DMBT1: variants seen among roughly 807,000 people sequenced by gnomAD.
DMBT1 encodes the protein scavenger receptor cysteine-rich domain-containing protein DMBT1.
A neutral mutation model predicts 252.9 loss-of-function variants in DMBT1; 198 were observed. The observed-to-expected ratio is 0.78, with a 90% CI of 0.70 to 0.88. DMBT1 has a LOEUF of 0.88. DMBT1 is among the 40% of genes least tolerant of loss of function. The pLI, the probability that DMBT1 is intolerant of heterozygous loss-of-function variation, is 0.00. For missense variants in DMBT1, 2,432 were observed against 2,404.7 expected (o/e 1.01, Z -0.24); for synonymous variants, 990 against 942.7 (o/e 1.05, Z -0.92).
intron 1 of DMBT1, among the ~76,000 whole-genome samples, 159 bp downstream of exon 1, chr10:122,560,990 G>T (rs1392389142): frequency 5.3e-5 from 8 of 152,312 alleles, no homozygotes; most frequent in Non-Finnish European, 7.4e-5. Context: ...AGGAGGAATG[G>T]CTCTTTTTTG....
chr10:122,637,903 G>A (rs566111424), intron 54 of DMBT1, among the ~76,000 whole-genome samples: 1 of 152,244 alleles, frequency 6.6e-6, no homozygotes, highest in South Asian at 2.1e-4. Flanking sequence ...ATCCAATTTT[G>A]GGTGAAAGTG....
chr10:122,579,431 T>C (rs2097745243), intron 9 of DMBT1, 147 bp from the exon 10 acceptor site: 9 of 1,515,160 alleles, frequency 5.9e-6, no homozygotes, highest in South Asian at 1.3e-5. Flanking sequence ...ACTTTCACGG[T>C]GATGAAGCCT....
chr10:122,573,889 C>T, intron 6 of DMBT1, 127 bp downstream of exon 6: 2 of 1,155,680 alleles, frequency 1.7e-6, no homozygotes, highest in South Asian at 2.6e-5. Flanking sequence ...GGGGCCCTTC[C>T]ACAAAAGGCC....
At chr10:122,568,726 C>T (rs547267543) in intron 2 of DMBT1, among the ~76,000 whole-genome samples, 2 of 152,326 alleles carry the variant, frequency 1.3e-5, no homozygotes, top group East Asian at 3.9e-4. Context: ...CTGCAGGCAG[C>T]TCGGCTGTGG....
chr10:122,570,178 G>A lies in DMBT1; in HGVS notation c.108G>A (p.Ser36=), dbSNP rs746899807. 44 of 1,594,788 alleles carry A rather than the reference G, an allele frequency of 2.8e-5. No individual in the cohort carries two copies. Among genetic ancestry groups the A allele is most frequent in the South Asian group, 3.3e-5 (3 of 90,672 alleles). The change falls in exon 3 of 56, where the codon TCG becomes TCA. Residue 36 remains serine (S), a synonymous_variant. Transcript: ENST00000338354. ...RTTDYASLIP[S]EVPLDPTVAE... ...ACCTCGCAGCTTCACTGATTCCCTC[G>A]GAGGTGCCCTTGGATCCAACTGTAG...
intron 55 of DMBT1, among the ~76,000 whole-genome samples, chr10:122,642,875 T>C (rs543570777): frequency 1.3e-5 from 2 of 152,258 alleles, no homozygotes; most frequent in East Asian, 3.9e-4. Context: ...TGGGACCTGC[T>C]TGTCTATCGG....
intron 44 of DMBT1, among the ~76,000 whole-genome samples, chr10:122,624,534 A>G (rs183031565): frequency 2.1e-4 from 32 of 152,226 alleles, no homozygotes; most frequent in African/African-American, 6.5e-4. Context: ...TCTTTTCTAG[A>G]ATCCAATTCT....
At chr10:122,618,917 C>T (rs1250656064) in intron 41 of DMBT1, among the ~76,000 whole-genome samples, 2 of 152,202 alleles carry the variant, frequency 1.3e-5, no homozygotes, top group Non-Finnish European at 2.9e-5. Flanking sequence ...GGGAGGGCAG[C>T]CCCCATGAGT....
At position 122,618,995 on chromosome 10, in the gene DMBT1, G is replaced by A. The variant is rs78378631; in HGVS notation, c.5216-313G>A. 7.0e-3 allele frequency among the ~76,000 whole-genome samples: 1,071 copies of A among 152,314 alleles called. 13 individuals carry two copies. The highest frequency in any genetic ancestry group is 0.024 in the African/African-American group (1,015 of 41,552). ...AAGATCACACAAGGCATTTGGGCTG[G>A]AGTGGCCTCCTCAGCCTTGCTGACT... On this transcript the variant is annotated intron_variant, in intron 41 of 55. Coordinates refer to ENST00000338354, the MANE Select transcript of DMBT1 (RefSeq NM_001377530.1).
intron 46 of DMBT1, among the ~76,000 whole-genome samples, chr10:122,629,577 C>T (rs1208516010): frequency 6.6e-6 from 1 of 152,200 alleles, no homozygotes; most frequent in Non-Finnish European, 1.5e-5. Flanking sequence ...CTAGAGGTGA[C>T]ACATGCTCCC....
intron 41 of DMBT1, 108 bp downstream of exon 41, chr10:122,618,448 A>G (rs760737088): frequency 1.5e-5 from 23 of 1,562,764 alleles, no homozygotes; most frequent in Admixed American, 9.6e-5. Flanking sequence ...TATGTTTTCT[A>G]TATTTCTGAA....
At chr10:122,623,707 G>A (rs553497501) in intron 44 of DMBT1, among the ~76,000 whole-genome samples, 2 of 152,302 alleles carry the variant, frequency 1.3e-5, no homozygotes, top group South Asian at 4.1e-4. Flanking sequence ...ATTCTTGGGA[G>A]AACAGGGGCT....
At chr10:122,599,166 A>T in intron 26 of DMBT1, 69 bp downstream of exon 26, 1 of 1,609,536 alleles carries the variant, frequency 6.2e-7, no homozygotes. Flanking sequence ...TCCTAATTAC[A>T]TTCTGATCTC....
rs996042944 is a variant in DMBT1 at position 122,640,279 on chromosome 10, C to T, written c.7182C>T (p.Phe2394=). The part of the protein sequence containing the change: ...VNISFYTSSS[F]LYPVTSRPYY... ...TTTCCTTTTATACTTCCTCATCTTT[C>T]TTGTATCCTGTGACCAGCCGCCCTT... The change falls in exon 55 of 56, where the codon TTC becomes TTT. Residue 2394 remains phenylalanine (F), a synonymous_variant. Transcript: ENST00000338354. 3 of 1,614,056 alleles carry T rather than the reference C, an allele frequency of 1.9e-6. No homozygotes were observed. The highest frequency in any genetic ancestry group is 2.5e-6 in the Non-Finnish European group (3 of 1,179,904).
intron 43 of DMBT1, among the ~76,000 whole-genome samples, chr10:122,620,638 C>T (rs2098057153): frequency 2.0e-5 from 3 of 152,236 alleles, no homozygotes; most frequent in Admixed American, 1.3e-4. Context: ...GTGCCTGTCC[C>T]CATAGCTGTC....
At chr10:122,600,006 C>T (rs1261769457) in intron 26 of DMBT1, 58 bp from the exon 27 acceptor site, 8 of 1,595,816 alleles carry the variant, frequency 5.0e-6, no homozygotes, top group Admixed American at 3.4e-5. Context: ...CTCCTCGTTC[C>T]ACTTTGCCGA....
rs1344423776 is a variant in DMBT1 at position 122,633,345 on chromosome 10, A to C, written c.6548+4A>C. 1 of 1,613,712 alleles carries C rather than the reference A, an allele frequency of 6.2e-7. No homozygotes were observed. The highest frequency in any genetic ancestry group is 8.5e-7 in the Non-Finnish European group (1 of 1,179,854). The stretch of plus-strand genomic sequence containing the variant: ...CTGTGATCTTCAGAGATGTCCAGTA[A>C]GTGTGCGCCCAGAAGAATGCCTTGG... On this transcript the variant is annotated splice_donor_region_variant and intron_variant, in intron 52 of 55. Coordinates refer to ENST00000338354, the MANE Select transcript of DMBT1 (RefSeq NM_001377530.1).
At chr10:122,563,344 T>C (rs1029975204) in intron 1 of DMBT1, among the ~76,000 whole-genome samples, 3 of 152,234 alleles carry the variant, frequency 2.0e-5, no homozygotes, top group African/African-American at 4.8e-5. Context: ...GTTACTACTC[T>C]AGACATTTTC....
chr10:122,626,182 A>G (rs954646154), intron 46 of DMBT1, among the ~76,000 whole-genome samples: 1 of 152,250 alleles, frequency 6.6e-6, no homozygotes, highest in African/African-American at 2.4e-5. Context: ...GGGTATCTCC[A>G]AAGCTTTAGG....
Sources: gnomAD v4.1 joint callset for allele counts (sites outside exome capture counted in the v4.1 genomes callset) on GRCh38, gnomAD v4.1.1 for gene constraint, MANE v1.5 for transcripts, NCBI Gene and HGNC (gene_info 2026-07-23, HGNC 2026-07-21) for gene names.